The following HSD3B1 variants were observed in gnomAD, a reference collection of about 807,000 sequenced individuals.
HSD3B1 encodes hydroxy-delta-5-steroid dehydrogenase, 3 beta- and steroid delta-isomerase 1, also known as 3 beta-hydroxysteroid dehydrogenase/Delta 5-->4-isomerase type 1.
In HSD3B1, 11 loss-of-function variants were observed where a neutral mutation model predicts 10.4. The observed-to-expected ratio is 1.05, with a 90% confidence interval of 0.66 to 1.75. HSD3B1 has a LOEUF of 1.75. Ranked by LOEUF, HSD3B1 falls within the 40% of genes most tolerant of loss-of-function variation. HSD3B1 has a pLI of 0.00. For synonymous variants in HSD3B1, 217 were observed against 185.4 expected (o/e 1.17, Z -1.39); for missense variants, 490 against 454.5 (o/e 1.08, Z -0.71).
At chr1:119,511,451 T>C in intron 2 of HSD3B1, 52 bp from the exon 3 acceptor site, 2 of 1,593,854 alleles carry the variant, frequency 1.3e-6, no homozygotes, top group African/African-American at 1.3e-5. Context: ...ATCAGAAAAC[T>C]TCTCAGCCAG....
chr1:119,513,747 T>TG, intron 3 of HSD3B1, 87 bp from the exon 4 acceptor site: 2 of 1,232,362 alleles, frequency 1.6e-6, no homozygotes, highest in Non-Finnish European at 2.3e-6. Context: ...TATTTGGGAG[T>TG]GGGGGGTGGG....
Position 119,515,019 on chromosome 1 carries a change from T to C in HSD3B1, c.*374T>C, listed in dbSNP as rs770429043. 4.3e-6 allele frequency: 1 copy of C among 234,276 alleles called. No individual in the cohort carries two copies. Among genetic ancestry groups the C allele is most frequent in the Non-Finnish European group, 8.3e-6 (1 of 120,288 alleles). The allele number at this position is 234,276 out of a possible 1,614,324, so 14.5% of individuals were successfully genotyped here. A position where few individuals can be genotyped will look rare whatever the true frequency, so the allele number is the denominator to read the frequency against. On this transcript the variant is annotated 3_prime_UTR_variant, in exon 4 of 4. Transcript: ENST00000369413. ...TTTAATCTTCCATTCCTTCACATAG[T>C]TTGATAAAAAGATCAATAAATGTTT...
chr1:119,513,347 A>C (rs1653991292), intron 3 of HSD3B1, among the ~76,000 whole-genome samples: 1 of 152,186 alleles, frequency 6.6e-6, no homozygotes, highest in Admixed American at 6.5e-5. Context: ...TGAAGAGTTT[A>C]TATTGCCTAT....
rs780628625 is a variant in HSD3B1 at position 119,514,452 on chromosome 1, C to T, written c.929C>T (p.Thr310Ile). 3 of 1,614,120 alleles carry T rather than the reference C, an allele frequency of 1.9e-6. No individual in the cohort carries two copies. Among genetic ancestry groups the T allele is most frequent in the East Asian group, 2.2e-5 (1 of 44,870 alleles). ...AGCTTCCTACTCAGGCCAATTTACA[C>T]CTATCGACCGCCCTTCAACCGCCAC... is the stretch of plus-strand genomic sequence containing the variant. ...IVSFLLRPIY[T>I]YRPPFNRHIV... The change falls in exon 4 of 4, where the codon ACC becomes ATC. Residue 310 changes from threonine (T) to isoleucine (I), a missense_variant. Physicochemically the swap from Thr to Ile is moderately conservative, Grantham distance 89. Coordinates refer to ENST00000369413, the MANE Select transcript of HSD3B1 (RefSeq NM_000862.3).
chr1:119,507,433 A>G lies in HSD3B1; in HGVS notation c.-44A>G. The G allele has an allele frequency of 6.2e-7, 1 of 1,609,898 alleles. No homozygotes were observed. The highest frequency in any genetic ancestry group is 1.1e-5 in the South Asian group (1 of 90,980). ...CCTAGAATCAGATCTGCTCCCCAGC[A>G]TCTTCTGTTTCCTGGTGAGTGATTC... On this transcript the variant is annotated 5_prime_UTR_variant, in exon 2 of 4. Transcript: ENST00000369413.
At position 119,513,838 on chromosome 1, in the gene HSD3B1, C is replaced by T. The variant is rs759813185; in HGVS notation, c.315C>T (p.Thr105=). Residue 105 remains threonine, a synonymous_variant, in exon 4 of 4, where the codon ACC becomes ACT. Coordinates refer to ENST00000369413, the MANE Select transcript of HSD3B1 (RefSeq NM_000862.3). ...ESIMNVNVKG[T]QLLLEACVQA... The stretch of plus-strand genomic sequence containing the variant: ...CAATATGCTCTTCATGGACAGGTAC[C>T]CAGCTCCTGTTAGAGGCCTGTGTCC... 1 of 1,613,340 alleles carries T rather than the reference C, an allele frequency of 6.2e-7. No homozygotes were observed. The highest frequency in any genetic ancestry group is 1.3e-5 in the African/African-American group (1 of 74,854).
At chr1:119,510,586 G>A (rs1269071584) in intron 2 of HSD3B1, among the ~76,000 whole-genome samples, 1 of 151,830 alleles carries the variant, frequency 6.6e-6, no homozygotes, top group African/African-American at 2.4e-5. Context: ...CAGACATTCT[G>A]ATTAATCACT....
Position 119,511,529 on chromosome 1 carries a change from G to C in HSD3B1, c.172G>C (p.Val58Leu). Residue 58 changes from valine to leucine, a missense_variant, in exon 3 of 4, where the codon GTG (valine) becomes CTG (leucine). Coordinates refer to ENST00000369413, the MANE Select transcript of HSD3B1 (RefSeq NM_000862.3). ...ACTCCAGAACAAGACCAAGCTGACA[G>C]TGCTGGAAGGAGACATTCTGGATGA... Reference protein sequence around the residue: ...SKLQNKTKLTVLEGDILDEPF... With the variant: ...SKLQNKTKLTLLEGDILDEPF... The C allele has an allele frequency of 6.2e-7, 1 of 1,613,836 alleles. No homozygotes were observed. The highest frequency in any genetic ancestry group is 1.3e-5 in the African/African-American group (1 of 75,022).
intron 3 of HSD3B1, among the ~76,000 whole-genome samples, chr1:119,512,162 C>A (rs771628267): frequency 6.6e-6 from 1 of 152,126 alleles, no homozygotes; most frequent in Non-Finnish European, 1.5e-5. Flanking sequence ...AAAGTCCTCT[C>A]GAGAGAACTA....
Position 119,507,435 on chromosome 1 carries a change from C to T in HSD3B1, c.-42C>T. ...TAGAATCAGATCTGCTCCCCAGCATCTTCTGTTTCCTGGTGAGTGATTCCT... is the reference window on the plus strand; with the variant it reads ...TAGAATCAGATCTGCTCCCCAGCATTTTCTGTTTCCTGGTGAGTGATTCCT... On this transcript the variant is annotated 5_prime_UTR_variant, in exon 2 of 4. Transcript: ENST00000369413. 6.2e-7 allele frequency: 1 copy of T among 1,610,764 alleles called. No homozygotes were observed. Among genetic ancestry groups the T allele is most frequent in the Non-Finnish European group, 8.5e-7 (1 of 1,178,218 alleles).
chr1:119,511,532 C>T lies in HSD3B1; in HGVS notation c.175C>T (p.Leu59=), dbSNP rs1336681633. 1 of 1,613,776 alleles carries T rather than the reference C, an allele frequency of 6.2e-7. No individual in the cohort carries two copies. ...CCAGAACAAGACCAAGCTGACAGTG[C>T]TGGAAGGAGACATTCTGGATGAGCC... ...KLQNKTKLTV[L]EGDILDEPFL... is the part of the protein sequence containing the mutation. Residue 59 remains leucine, a synonymous_variant, in exon 3 of 4, where the codon CTG becomes TTG. Transcript: ENST00000369413.
Position 119,514,177 on chromosome 1 carries a change from C to A in HSD3B1, c.654C>A (p.Phe218Leu). 6.2e-7 allele frequency: 1 copy of A among 1,614,118 alleles called. No homozygotes were observed. Among genetic ancestry groups the A allele is most frequent in the Non-Finnish European group, 8.5e-7 (1 of 1,180,012 alleles). ...GGATCCTGTCAAGTGTTGGAAAGTT[C>A]TCCACTGTTAACCCAGTCTATGTTG... Reference protein sequence around the residue: ...NNGILSSVGKFSTVNPVYVGN... With the variant: ...NNGILSSVGKLSTVNPVYVGN... Residue 218 changes from phenylalanine (F) to leucine (L), a missense_variant, in exon 4 of 4, where the codon TTC (phenylalanine) becomes TTA (leucine). Coordinates refer to ENST00000369413, the MANE Select transcript of HSD3B1 (RefSeq NM_000862.3).
chr1:119,509,187 G>T (rs1447198660), intron 2 of HSD3B1, among the ~76,000 whole-genome samples: 4 of 152,066 alleles, frequency 2.6e-5, no homozygotes, highest in Admixed American at 6.5e-5. Flanking sequence ...GAAACAGAGA[G>T]GTTAGTTAAC....
At chr1:119,510,717 CTTTTTTTTTTTTTTTTTTTTTTTT>C (rs962978657) in intron 2 of HSD3B1, among the ~76,000 whole-genome samples, 9 of 54,134 alleles carry the variant, frequency 1.7e-4, no homozygotes, top group African/African-American at 4.2e-4. Flanking sequence ...GTGTGGTTTT[CTTTTTTTTTTTTTTTTTTTTTTTT>C]TTTTTTTTTT....
chr1:119,512,126 A>G (rs1570880027), intron 3 of HSD3B1, among the ~76,000 whole-genome samples: 1 of 152,336 alleles, frequency 6.6e-6, no homozygotes, highest in South Asian at 2.1e-4. Context: ...GAAAACATTC[A>G]GAGCCCTCCT....
At chr1:119,511,732 A>T in intron 3 of HSD3B1, 65 bp downstream of exon 3, 1 of 1,492,148 alleles carries the variant, frequency 6.7e-7, no homozygotes, top group Non-Finnish European at 9.3e-7. Flanking sequence ...AAGGGCAGGA[A>T]GGGAAGAGAA....
rs1654043317 is a variant in HSD3B1 at position 119,514,389 on chromosome 1, C to T, written c.866C>T (p.Ser289Phe). 4 of 1,614,180 alleles carry T rather than the reference C, an allele frequency of 2.5e-6. No homozygotes were observed. Among genetic ancestry groups the T allele is most frequent in the Non-Finnish European group, 3.4e-6 (4 of 1,180,024 alleles). The change falls in exon 4 of 4, where the codon TCC becomes TTC. Residue 289 changes from serine (S) to phenylalanine (F), a missense_variant. Transcript: ENST00000369413. ...RLDSRWSFPL[S>F]LMYWIGFLLE... is the part of the protein sequence containing the mutation. ...GATTCCAGATGGAGCTTTCCTTTAT[C>T]CCTGATGTATTGGATTGGCTTCCTG... is the stretch of plus-strand genomic sequence containing the variant.
Position 119,514,018 on chromosome 1 carries a change from T to A in HSD3B1, c.495T>A (p.Ala165=), listed in dbSNP as rs1654023106. The change falls in exon 4 of 4, where the codon GCT becomes GCA. Residue 165 remains alanine, a synonymous_variant. Coordinates refer to ENST00000369413, the MANE Select transcript of HSD3B1 (RefSeq NM_000862.3). ...ACAGCAAAAAGCTTGCTGAGAAGGC[T>A]GTACTGGCGGCTAACGGGTGGAATC... ...YPHSKKLAEK[A]VLAANGWNLK... 6.2e-7 allele frequency: 1 copy of A among 1,614,122 alleles called. No individual in the cohort carries two copies. Among genetic ancestry groups the A allele is most frequent in the East Asian group, 2.2e-5 (1 of 44,866 alleles).
In HSD3B1 at chr1:119,513,937, C is replaced by G; in HGVS notation, c.414C>G (p.Ile138Met). 1 of 1,614,052 alleles carries G rather than the reference C, an allele frequency of 6.2e-7. No individual in the cohort carries two copies. The highest frequency in any genetic ancestry group is 8.5e-7 in the Non-Finnish European group (1 of 1,179,994). The change falls in exon 4 of 4, where the codon ATC (isoleucine) becomes ATG (methionine). Residue 138 changes from isoleucine to methionine, a missense_variant. Physicochemically the swap from Ile to Met is conservative, Grantham distance 10. Coordinates refer to ENST00000369413, the MANE Select transcript of HSD3B1 (RefSeq NM_000862.3). ...GGCCCAACTCCTACAAGGAAATCAT[C>G]CAGAATGGCCATGAAGAAGAGCCTC... ...VAGPNSYKEI[I>M]QNGHEEEPLE...
Sources: gnomAD v4.1 joint callset for allele counts (sites outside exome capture counted in the v4.1 genomes callset) on GRCh38, gnomAD v4.1.1 for gene constraint, MANE v1.5 for transcripts, NCBI Gene and HGNC (gene_info 2026-07-23, HGNC 2026-07-21) for gene names.